The following CDH4 variants were observed in gnomAD, a reference collection of about 807,000 sequenced individuals.
The protein encoded by CDH4 is cadherin 4, also known as cadherin-4.
In CDH4, 33 loss-of-function variants were observed where a neutral mutation model predicts 86.0. The observed-to-expected ratio is 0.38, with a 90% CI of 0.29 to 0.51. The LOEUF is 0.51. Ranked by LOEUF, CDH4 falls within the 20% of genes least tolerant of loss-of-function variation. The pLI is 0.86. For missense variants in CDH4, 1,114 were observed against 1,307.4 expected (o/e 0.85, Z 2.28); for synonymous variants, 555 against 549.4 (o/e 1.01, Z -0.14).
At chr20:61,650,174 T>C (rs1045925100) in intron 2 of CDH4, among the ~76,000 whole-genome samples, 1 of 152,196 alleles carries the variant, frequency 6.6e-6, no homozygotes, top group Non-Finnish European at 1.5e-5. Flanking sequence ...TGTGACTGCT[T>C]TGCTCCAAAT....
chr20:61,283,987 A>G (rs2084279269), intron 2 of CDH4, among the ~76,000 whole-genome samples: 1 of 152,058 alleles, frequency 6.6e-6, no homozygotes, highest in Non-Finnish European at 1.5e-5. Context: ...TTACTCAATT[A>G]GTGGAGAGGC....
rs773641592 is a variant in CDH4 at position 61,879,589 on chromosome 20, G to A, written c.1050+5689G>A. Among the ~76,000 whole-genome samples, 9 of 152,156 alleles carry A rather than the reference G, an allele frequency of 5.9e-5. No homozygotes were observed. In the South Asian group the frequency reaches 6.2e-4, roughly 11 times the overall value. On this transcript the variant is annotated intron_variant, in intron 7 of 15. Transcript: ENST00000614565. This position sits in a 1 kb window ranked among gnomAD's most constrained non-coding sequence, Gnocchi z 4.1. Reference sequence around the variant, plus strand: ...TGATTAAGATGTCAGGAGAGGCTTCGATAAGACCTGAGCGGTTCAAGTGTC... The same window carrying A: ...TGATTAAGATGTCAGGAGAGGCTTCAATAAGACCTGAGCGGTTCAAGTGTC...
At chr20:61,661,470 C>CTTTTTTTTTTTTTTT (rs11472090) in intron 2 of CDH4, among the ~76,000 whole-genome samples, 1 of 115,114 alleles carries the variant, frequency 8.7e-6, no homozygotes, top group African/African-American at 3.4e-5. Flanking sequence ...TGCTTTCTGA[C>CTTTTTTTTTTTTTTT]TTTTTTTTTT....
At chr20:61,433,292 G>A (rs570129249) in intron 2 of CDH4, among the ~76,000 whole-genome samples, 11 of 152,158 alleles carry the variant, frequency 7.2e-5, no homozygotes, top group Admixed American at 4.6e-4. Flanking sequence ...CGGTTTTGTC[G>A]GGTATCAATC....
At chr20:61,264,078 AG>A (rs1438259033) in intron 2 of CDH4, among the ~76,000 whole-genome samples, 1 of 152,168 alleles carries the variant, frequency 6.6e-6, no homozygotes, top group Non-Finnish European at 1.5e-5. Context: ...GTGAGATCCC[AG>A]GCTCACAGCC....
At chr20:61,570,575 C>A in intron 2 of CDH4, 1 of 682,172 alleles carries the variant, frequency 1.5e-6, no homozygotes, top group Admixed American at 2.1e-5. Flanking sequence ...TTGTGGCTTC[C>A]TTTACCCCAT....
chr20:61,363,444 C>T (rs2084795225), intron 2 of CDH4, among the ~76,000 whole-genome samples: 2 of 151,920 alleles, frequency 1.3e-5, no homozygotes, highest in Admixed American at 6.6e-5. Context: ...CACACACACA[C>T]AAACACACAC....
intron 2 of CDH4, among the ~76,000 whole-genome samples, chr20:61,536,797 C>T (rs73914822): frequency 0.02 from 3,067 of 152,262 alleles, 102 homozygotes; most frequent in African/African-American, 0.069. Context: ...TTGGGGATGC[C>T]GCTACACACC....
rs28392801 is a variant in CDH4 at position 61,296,280 on chromosome 20, G to T, written c.169+41343G>T. ...ATGTGTGCGTGTGTGTGTGTGCGTG[G>T]GTGCGTGTGTGTGTGTGCGTGGGTG... On this transcript the variant is annotated intron_variant, in intron 2 of 15. Coordinates refer to ENST00000614565, the MANE Select transcript of CDH4 (RefSeq NM_001794.5). Among the ~76,000 whole-genome samples the T allele has an allele frequency of 3.5e-3, 479 of 137,064 alleles. 8 individuals are homozygous for T. The East Asian group carries it at 0.043, about 12-fold the overall frequency. The allele number at this position is 137,064 out of a possible 152,430, so 89.9% of individuals were successfully genotyped here. A position where few individuals can be genotyped will look rare whatever the true frequency, so the allele number is the denominator to read the frequency against.
intron 2 of CDH4, chr20:61,718,801 A>G: frequency 2.1e-6 from 1 of 471,218 alleles, no homozygotes; most frequent in South Asian, 1.5e-5. Flanking sequence ...GCTGCGGAGG[A>G]GGCTGCACCC....
chr20:61,599,130 A>G (rs1057480963), intron 2 of CDH4, among the ~76,000 whole-genome samples: 7 of 152,228 alleles, frequency 4.6e-5, no homozygotes, highest in African/African-American at 1.7e-4. Flanking sequence ...AGGTTGGTGG[A>G]TCTCCCACCA....
intron 2 of CDH4, among the ~76,000 whole-genome samples, chr20:61,549,652 G>A (rs1054129640): frequency 2.0e-5 from 3 of 152,340 alleles, no homozygotes; most frequent in South Asian, 4.1e-4. Flanking sequence ...TCAAGCACGT[G>A]CTGGGAGACT....
chr20:61,596,633 T>G (rs1169535691), intron 2 of CDH4, among the ~76,000 whole-genome samples: 3 of 152,224 alleles, frequency 2.0e-5, no homozygotes, highest in Non-Finnish European at 2.9e-5. Context: ...TACCACATCT[T>G]GAACACCAGC....
rs939322718 is a variant in CDH4 at position 61,708,965 on chromosome 20, C to G, written c.170-34598C>G. On this transcript the variant is annotated intron_variant, in intron 2 of 15. Transcript: ENST00000614565. This position sits in a 1 kb window ranked among gnomAD's most constrained non-coding sequence, Gnocchi z 4.5. Reference sequence around the variant, plus strand: ...ACAAAAGGCTGTTCCTTCAGCCAGACGGACGGGCAGCAGACCTGCTCAGCC... The same window carrying G: ...ACAAAAGGCTGTTCCTTCAGCCAGAGGGACGGGCAGCAGACCTGCTCAGCC... Among the ~76,000 whole-genome samples the G allele has an allele frequency of 2.0e-5, 3 of 152,244 alleles. No individual in the cohort carries two copies. The highest frequency in any genetic ancestry group is 4.4e-5 in the Non-Finnish European group (3 of 68,040).
At chr20:61,383,394 T>C (rs2084921148) in intron 2 of CDH4, among the ~76,000 whole-genome samples, 1 of 1,336 alleles carries the variant, frequency 7.5e-4, no homozygotes. Flanking sequence ...TATGAATATA[T>C]GATATATATG....
chr20:61,380,555 C>G (rs2084894972), intron 2 of CDH4, among the ~76,000 whole-genome samples: 1 of 149,894 alleles, frequency 6.7e-6, no homozygotes, highest in Admixed American at 6.6e-5. Context: ...TGTTTTCACC[C>G]CTCCCTCGAT....
At position 61,413,068 on chromosome 20, in the gene CDH4, C is replaced by A. The variant is rs1357354824; in HGVS notation, c.169+158131C>A. ...AGGCTCTTGGTGTGGGGGGCCACCT[C>A]CCTGCAAACACCCTTCCCGGTCTTT... On this transcript the variant is annotated intron_variant, in intron 2 of 15. Coordinates refer to ENST00000614565, the MANE Select transcript of CDH4 (RefSeq NM_001794.5). 7.2e-5 allele frequency among the ~76,000 whole-genome samples: 11 copies of A among 152,298 alleles called. 1 individual carries two copies. The South Asian group carries it at 1.2e-3, about 17-fold the overall frequency.
intron 2 of CDH4, among the ~76,000 whole-genome samples, chr20:61,616,272 T>C (rs2086724510): frequency 6.6e-6 from 1 of 152,176 alleles, no homozygotes; most frequent in South Asian, 2.1e-4. Context: ...CTGCCTTCCC[T>C]CGGGGAATCA....
chr20:61,655,000 G>A (rs2087172048), intron 2 of CDH4, among the ~76,000 whole-genome samples: 1 of 152,266 alleles, frequency 6.6e-6, no homozygotes, highest in Admixed American at 6.5e-5. Flanking sequence ...AGTGCTGGCT[G>A]CTGTGGGGAG....
Sources: allele counts gnomAD v4.1 joint callset (sites outside exome capture counted in the v4.1 genomes callset), GRCh38; gene constraint gnomAD v4.1.1; non-coding constraint Gnocchi (gnomAD v3.1); transcripts MANE v1.5; gene names NCBI Gene and HGNC (gene_info 2026-07-23, HGNC 2026-07-21).